The following TRABD2A variants were observed in gnomAD, a reference collection of about 807,000 sequenced individuals.
TRABD2A encodes TraB domain containing 2A, also known as metalloprotease TIKI1.
In TRABD2A, 43 loss-of-function variants were observed where a neutral mutation model predicts 45.6. The ratio of observed to expected loss-of-function variants is 0.94; its 90% CI spans 0.74 to 1.22. The LOEUF (loss-of-function observed/expected upper bound fraction) is 1.22. Among genes scored for constraint, TRABD2A ranks in the 50% most tolerant of loss-of-function variants. The pLI is 0.00. For missense variants in TRABD2A, 642 were observed against 652.4 expected (o/e 0.98, Z 0.17); for synonymous variants, 269 against 265.0 (o/e 1.02, Z -0.15).
chr2:84,847,429 C>G (rs893295269), intron 2 of TRABD2A, among the ~76,000 whole-genome samples: 2 of 152,186 alleles, frequency 1.3e-5, no homozygotes, highest in Non-Finnish European at 2.9e-5. Context: ...AAGTTGACCC[C>G]AGGGCGTCTT....
rs1176219596 is a variant in TRABD2A, at chr2:84,832,105, C to G, written c.1032G>C (p.Arg344=). 2 of 1,613,992 alleles carry G rather than the reference C, an allele frequency of 1.2e-6. No individual in the cohort carries two copies. The highest frequency in any genetic ancestry group is 3.3e-5 in the Admixed American group (2 of 60,024). ...MGNNTVLDVL[R]REGYEVEHAP... ...CGTGTTCTACCTCATAGCCTTCACG[C>G]CGCAAAACATCCAGCACTGTGTTGT... Residue 344 remains arginine (R), a synonymous_variant, in exon 5 of 7, where the codon CGG becomes CGC. Transcript: ENST00000409520.
At chr2:84,871,877 C>T (rs1352910588) in intron 1 of TRABD2A, among the ~76,000 whole-genome samples, 3 of 152,212 alleles carry the variant, frequency 2.0e-5, no homozygotes, top group Admixed American at 6.5e-5. Context: ...TTACAGTTTG[C>T]TCTTGTCCCT....
chr2:84,825,955 C>T (rs550160673), intron 5 of TRABD2A, among the ~76,000 whole-genome samples: 1 of 152,124 alleles, frequency 6.6e-6, no homozygotes, highest in African/African-American at 2.4e-5. Context: ...CCATCCCCCC[C>T]TCCCCGATCC....
At chr2:84,828,871 C>G (rs545373258) in intron 5 of TRABD2A, among the ~76,000 whole-genome samples, 1 of 152,176 alleles carries the variant, frequency 6.6e-6, no homozygotes, top group East Asian at 1.9e-4. Flanking sequence ...CAGGCTGGAG[C>G]AATGGAGGAA....
intron 5 of TRABD2A, 39 bp from the exon 6 acceptor site, chr2:84,824,243 TCA>T: frequency 6.2e-7 from 1 of 1,610,284 alleles, no homozygotes; most frequent in Non-Finnish European, 8.5e-7. Flanking sequence ...TGGAGGAGGG[TCA>T]CACAGCATGG....
rs928632758 is a variant in TRABD2A at position 84,877,561 on chromosome 2, C to T, written c.108+3371G>A. Among the ~76,000 whole-genome samples the T allele has an allele frequency of 4.6e-5, 7 of 152,156 alleles. No individual in the cohort carries two copies. In the East Asian group the frequency reaches 7.7e-4, roughly 17 times the overall value. ...TGAAGGTTACAATGAGCTATGATCACGACACTGCCCTCCATCCTGGGTGAC... is the reference window on the plus strand; with the variant it reads ...TGAAGGTTACAATGAGCTATGATCATGACACTGCCCTCCATCCTGGGTGAC... On this transcript the variant is annotated intron_variant, in intron 1 of 6. Coordinates refer to ENST00000409520, the MANE Select transcript of TRABD2A (RefSeq NM_001277053.2).
At chr2:84,870,863 A>G in intron 1 of TRABD2A, 78 bp from the exon 2 acceptor site, 2 of 1,320,854 alleles carry the variant, frequency 1.5e-6, no homozygotes, top group South Asian at 1.5e-5. Context: ...GAAATGAATC[A>G]GTCACATTTC....
Position 84,824,026 on chromosome 2 carries a change from T to C in TRABD2A, c.1261A>G (p.Lys421Glu), listed in dbSNP as rs1432816119. Residue 421 changes from lysine (K) to glutamate (E), a missense_variant, in exon 6 of 7, where the codon AAG becomes GAG. Physicochemically the swap from Lys to Glu is moderately conservative, Grantham distance 56. Coordinates refer to ENST00000409520, the MANE Select transcript of TRABD2A (RefSeq NM_001277053.2). ...TPSEAEQRFR[K>E]KRRRSQRRPR... ...CTCCGCTGTGACCGCCTCCGCTTCT[T>C]CCGGAACCTCTGTTCGGCCTCACTG... 1.2e-6 allele frequency: 2 copies of C among 1,613,740 alleles called. No individual in the cohort carries two copies. The highest frequency in any genetic ancestry group is 2.7e-5 in the African/African-American group (2 of 74,930).
In TRABD2A at chr2:84,881,072, G is replaced by A. The variant is rs571673160; in HGVS notation, c.-33C>T. On this transcript the variant is annotated 5_prime_UTR_variant, in exon 1 of 7. Transcript: ENST00000409520. ...AAGGCGGCTCCGAGGCCCGGAACGC[G>A]GAGGGAAGGAGTAGGGCAGAGGTGG... The A allele has an allele frequency of 2.1e-5, 33 of 1,552,082 alleles. No individual in the cohort carries two copies. In the African/African-American group the frequency reaches 3.3e-4, roughly 15 times the overall value.
chr2:84,822,146 C>T, intron 6 of TRABD2A, 46 bp from the exon 7 acceptor site: 1 of 1,480,374 alleles, frequency 6.8e-7, no homozygotes, highest in Non-Finnish European at 9.0e-7. Context: ...CAGCAGAAAC[C>T]ACTGCACACG....
chr2:84,823,952 C>T lies in TRABD2A; in HGVS notation c.1334+1G>A, dbSNP rs763997312. ...AACCCGACCCAGCCTACTCGCCTGA[C>T]CTCTCCTCCAGGCGGACCCACAGAT... On this transcript the variant is annotated splice_donor_variant, in intron 6 of 6. Coordinates refer to ENST00000409520, the MANE Select transcript of TRABD2A (RefSeq NM_001277053.2). LOFTEE classifies it high-confidence loss of function. 3 of 1,613,582 alleles carry T rather than the reference C, an allele frequency of 1.9e-6. No individual in the cohort carries two copies. The highest frequency in any genetic ancestry group is 2.5e-6 in the Non-Finnish European group (3 of 1,179,880).
At chr2:84,869,738 G>A (rs1424133032) in intron 2 of TRABD2A, among the ~76,000 whole-genome samples, 2 of 152,138 alleles carry the variant, frequency 1.3e-5, no homozygotes, top group Non-Finnish European at 2.9e-5. Context: ...CCAGCACTTT[G>A]GGAGGCCGAG....
intron 5 of TRABD2A, among the ~76,000 whole-genome samples, chr2:84,831,447 G>A (rs1047043434): frequency 1.3e-5 from 2 of 152,118 alleles, no homozygotes; most frequent in African/African-American, 4.8e-5. Flanking sequence ...TGGGAGGCCA[G>A]TGGGTGGACA....
intron 4 of TRABD2A, 141 bp downstream of exon 4, chr2:84,839,008 T>C: frequency 1.1e-6 from 1 of 945,586 alleles, no homozygotes; most frequent in Admixed American, 2.9e-5. Context: ...ACTCTGCAAC[T>C]GAAATAAGTC....
At chr2:84,861,213 T>G (rs1682486816) in intron 2 of TRABD2A, among the ~76,000 whole-genome samples, 1 of 152,062 alleles carries the variant, frequency 6.6e-6, no homozygotes, top group Admixed American at 6.5e-5. Context: ...TGGGGGAGTG[T>G]TTTGGGATGA....
At chr2:84,848,367 T>TAGACAGACAGACAGACAGACAGAC (rs1304906644) in intron 2 of TRABD2A, among the ~76,000 whole-genome samples, 3 of 136,418 alleles carry the variant, frequency 2.2e-5, no homozygotes, top group Non-Finnish European at 4.6e-5. Flanking sequence ...GATAGATAGA[T>TAGACAGACAGACAGACAGACAGAC]AGATAGATAG....
At chr2:84,828,618 C>T (rs780539023) in intron 5 of TRABD2A, among the ~76,000 whole-genome samples, 4 of 152,136 alleles carry the variant, frequency 2.6e-5, no homozygotes, top group Non-Finnish European at 5.9e-5. Flanking sequence ...ACTGTATGCA[C>T]GTTCACCCCT....
At chr2:84,863,370 A>C (rs1470937734) in intron 2 of TRABD2A, among the ~76,000 whole-genome samples, 1 of 146,178 alleles carries the variant, frequency 6.8e-6, no homozygotes, top group East Asian at 2.1e-4. Flanking sequence ...TCAGCCTCCC[A>C]AGTAGCTGGG....
rs757590755 is a variant in TRABD2A, at chr2:84,839,245, C to T, written c.895G>A (p.Glu299Lys). ...AQEIDSYLRR[E>K]LIYKRNERIG... ...CTCTCATTCCGCTTGTAGATCAGCT[C>T]CCGGCGTAAGTAGCTGTCAATCTCC... is the stretch of plus-strand genomic sequence containing the variant. Residue 299 changes from glutamate (E) to lysine (K), a missense_variant, in exon 4 of 7, where the codon GAG becomes AAG. Glu to Lys is a moderately conservative substitution (Grantham distance 56, BLOSUM62 1). Transcript: ENST00000409520. 1.3e-5 allele frequency: 21 copies of T among 1,613,884 alleles called. No individual in the cohort carries two copies. Among genetic ancestry groups the T allele is most frequent in the Non-Finnish European group, 1.2e-5 (14 of 1,179,862 alleles).
Sources: gnomAD v4.1 joint callset for allele counts (sites outside exome capture counted in the v4.1 genomes callset) on GRCh38, gnomAD v4.1.1 for gene constraint, MANE v1.5 for transcripts, NCBI Gene and HGNC (gene_info 2026-07-23, HGNC 2026-07-21) for gene names.